SMARCA1: variants seen among roughly 807,000 people sequenced by gnomAD.
SMARCA1 encodes SWI/SNF-related matrix-associated actin-dependent regulator of chromatin subfamily A member 1.
SMARCA1 carries 17 observed loss-of-function variants against 93.6 expected under a neutral mutation model. The observed-to-expected ratio is 0.18, with a 90% CI of 0.12 to 0.27. The LOEUF is 0.27. SMARCA1 is among the 10% of genes least tolerant of loss of function. SMARCA1 has a pLI of 1.00. For synonymous variants in SMARCA1, 271 were observed against 271.4 expected, an observed-to-expected ratio of 1.00 and a Z score of 0.01; for missense variants, 630 against 819.0, an observed-to-expected ratio of 0.77 and a Z score of 2.82.
intron 15 of SMARCA1, among the ~76,000 whole-genome samples, chrX:129,489,382 T>C (rs1934029708): frequency 8.9e-6 from 1 of 112,187 alleles, no homozygotes; most frequent in African/African-American, 3.2e-5. Context: ...AGGTACCCTC[T>C]AATATGTTTT....
intron 23 of SMARCA1, among the ~76,000 whole-genome samples, chrX:129,458,401 T>G (rs1261525217): frequency 1.8e-5 from 2 of 112,451 alleles, no homozygotes; most frequent in Non-Finnish European, 3.8e-5. Context: ...TTCTCCATAC[T>G]TTTTTAATGG....
chrX:129,452,401 AAAC>A (rs1932352990), intron 23 of SMARCA1, among the ~76,000 whole-genome samples: 1 of 112,659 alleles, frequency 8.9e-6, no homozygotes. Flanking sequence ...GGAGATGCAA[AAAC>A]AATAAAGACA....
intron 9 of SMARCA1, among the ~76,000 whole-genome samples, chrX:129,503,280 A>C (rs984828871): frequency 2.7e-5 from 3 of 112,425 alleles, no homozygotes; most frequent in African/African-American, 9.7e-5. Context: ...CAGTGGTTCC[A>C]ACCTGGACAG....
chrX:129,476,110 A>G (rs1933372042), intron 19 of SMARCA1, among the ~76,000 whole-genome samples: 1 of 112,185 alleles, frequency 8.9e-6, no homozygotes, highest in Non-Finnish European at 1.9e-5. Context: ...TGTAATTGAA[A>G]TTTCAATTAA....
intron 2 of SMARCA1, among the ~76,000 whole-genome samples, chrX:129,517,352 A>C (rs1935241540): frequency 9.0e-6 from 1 of 111,019 alleles, no homozygotes; most frequent in African/African-American, 3.3e-5. Flanking sequence ...AATAAAGACT[A>C]TTTATTTATT....
intron 19 of SMARCA1, among the ~76,000 whole-genome samples, chrX:129,479,667 T>TTTATTTTATC (rs1933554335): frequency 1.5e-5 from 1 of 66,129 alleles, no homozygotes; most frequent in African/African-American, 5.4e-5. Context: ...TTTATTTTAT[T>TTTATTTTATC]TTATTTTATT....
rs374540754 is a variant in SMARCA1, at chrX:129,523,191, A to G, written c.174+6T>C. ...TCCACCACACACACACCCCCTTCCT[A>G]TTTACCTCCTTCTTCTTCTCGCCCT... is the stretch of plus-strand genomic sequence containing the variant. On this transcript the variant is annotated splice_donor_region_variant and intron_variant, in intron 1 of 24. Transcript: ENST00000371121. 1.1e-5 allele frequency: 13 copies of G among 1,208,894 alleles called. No individual in the cohort carries two copies. The highest frequency in any genetic ancestry group is 2.2e-5 in the Admixed American group (1 of 45,984).
At chrX:129,510,352 G>A (rs868016716) in intron 6 of SMARCA1, among the ~76,000 whole-genome samples, 19 of 112,373 alleles carry the variant, frequency 1.7e-4, no homozygotes, top group Admixed American at 6.6e-4. Flanking sequence ...ACCCACTAAT[G>A]GGTAGCAACT....
rs775836388 is a variant in SMARCA1 at position 129,484,863 on chromosome X, A to G, written c.2217+2155T>C. On this transcript the variant is annotated intron_variant, in intron 17 of 24. Coordinates refer to ENST00000371121, the MANE Select transcript of SMARCA1 (RefSeq NM_001282874.2). ...CCACCAGTACATGCTAAAATCAGTGAGTAAAAGTCTGAGAAAGATCTCCCC... is the reference window on the plus strand; with the variant it reads ...CCACCAGTACATGCTAAAATCAGTGGGTAAAAGTCTGAGAAAGATCTCCCC... Among the ~76,000 whole-genome samples the G allele has an allele frequency of 1.3e-4, 15 of 112,606 alleles. No homozygotes were observed. The South Asian group carries it at 5.1e-3, about 38-fold the overall frequency.
chrX:129,468,935 A>C (rs1478923091), intron 20 of SMARCA1, 30 bp from the exon 21 acceptor site: 12 of 1,082,704 alleles, frequency 1.1e-5, no homozygotes, highest in Non-Finnish European at 1.5e-5. Context: ...CATTATCAAT[A>C]GAGGTTAAAT....
chrX:129,449,245 G>T (rs1013219685), intron 23 of SMARCA1, among the ~76,000 whole-genome samples: 2 of 111,620 alleles, frequency 1.8e-5, no homozygotes, highest in African/African-American at 6.5e-5. Flanking sequence ...ATAAGTTTTG[G>T]AAGTACCCAG....
chrX:129,479,710 ATTTTT>A (rs1435305463), intron 19 of SMARCA1, among the ~76,000 whole-genome samples: 17 of 89,992 alleles, frequency 1.9e-4, no homozygotes, highest in African/African-American at 6.7e-4. Context: ...ATTTTATTTT[ATTTTT>A]GGGACAGAGT....
chrX:129,518,488 C>T, intron 1 of SMARCA1, 41 bp from the exon 2 acceptor site: 1 of 916,066 alleles, frequency 1.1e-6, no homozygotes, highest in African/African-American at 1.9e-5. Flanking sequence ...AATTGCAAAG[C>T]AAGGTTCTTA....
chrX:129,501,610 T>TGG lies in SMARCA1; in HGVS notation c.1168-1771_1168-1770dup, dbSNP rs769531728. ...TGCGCCCGGCCCGCCAAACTTTTTTTGGGGGGGGAGGTGGGGTGGAAGGGG... is the reference window on the plus strand; with the variant it reads ...TGCGCCCGGCCCGCCAAACTTTTTTTGGGGGGGGGGAGGTGGGGTGGAAGGGG... On this transcript the variant is annotated intron_variant, in intron 9 of 24. Coordinates refer to ENST00000371121, the MANE Select transcript of SMARCA1 (RefSeq NM_001282874.2). Among the ~76,000 whole-genome samples, 3 of 98,632 alleles carry TGG rather than the reference T, an allele frequency of 3.0e-5. No homozygotes were observed. The Admixed American group carries it at 3.3e-4, about 11-fold the overall frequency. The allele number at this position is 98,632 out of a possible 115,157, so 85.7% of individuals were successfully genotyped here.
intron 23 of SMARCA1, among the ~76,000 whole-genome samples, chrX:129,449,378 A>G (rs1032079915): frequency 6.3e-5 from 7 of 111,744 alleles, no homozygotes; most frequent in African/African-American, 2.3e-4. Context: ...ATATTTAACC[A>G]ACAGACTTTC....
intron 6 of SMARCA1, among the ~76,000 whole-genome samples, chrX:129,511,293 T>C (rs1258500062): frequency 1.8e-5 from 2 of 111,821 alleles, no homozygotes. Context: ...GAAAGCTGCG[T>C]CTATGCATAA....
At chrX:129,456,091 T>C (rs1262319287) in intron 23 of SMARCA1, among the ~76,000 whole-genome samples, 1 of 111,757 alleles carries the variant, frequency 8.9e-6, no homozygotes, top group African/African-American at 3.3e-5. Flanking sequence ...GTTTATTCAT[T>C]AGGGGCTAAA....
At chrX:129,456,369 G>A (rs187738427) in intron 23 of SMARCA1, among the ~76,000 whole-genome samples, 2 of 111,962 alleles carry the variant, frequency 1.8e-5, no homozygotes, top group South Asian at 3.8e-4. Flanking sequence ...TAATGTATAA[G>A]GATATTGAGG....
intron 23 of SMARCA1, among the ~76,000 whole-genome samples, chrX:129,459,246 T>G (rs745788615): frequency 9.1e-6 from 1 of 110,455 alleles, no homozygotes; most frequent in South Asian, 3.9e-4. Context: ...TGGTGAAACC[T>G]CATCTCTACT....
Sources: allele counts gnomAD v4.1 joint callset (sites outside exome capture counted in the v4.1 genomes callset), GRCh38; gene constraint gnomAD v4.1.1; transcripts MANE v1.5; gene names NCBI Gene and HGNC (gene_info 2026-07-23, HGNC 2026-07-21).